The following MACROD2 variants were observed in gnomAD, a reference collection of about 807,000 sequenced individuals.
MACROD2 encodes mono-ADP ribosylhydrolase 2, also known as ADP-ribose glycohydrolase MACROD2.
In MACROD2, 36 loss-of-function variants were observed where a neutral mutation model predicts 70.4. That is an observed-to-expected ratio of 0.51 (90% CI 0.39 to 0.68). The LOEUF (loss-of-function observed/expected upper bound fraction) is 0.68, where lower values mean the gene tolerates loss of function less well. Among genes scored for constraint, MACROD2 ranks in the 30% least tolerant of loss-of-function variants. The pLI is 0.00. For missense variants in MACROD2, 496 were observed against 538.4 expected, an observed-to-expected ratio of 0.92 and a Z score of 0.78; for synonymous variants, 172 against 178.8, an observed-to-expected ratio of 0.96 and a Z score of 0.30.
chr20:15,105,886 A>T (rs1156593109), intron 5 of MACROD2, among the ~76,000 whole-genome samples: 1 of 152,128 alleles, frequency 6.6e-6, no homozygotes, highest in African/African-American at 2.4e-5. Flanking sequence ...CGACAATTGA[A>T]CAGCGTGGTG....
intron 2 of MACROD2, among the ~76,000 whole-genome samples, chr20:14,037,461 CAGATACCAATATTTTGT>C (rs1374582166): frequency 1.3e-5 from 2 of 152,192 alleles, no homozygotes; most frequent in Admixed American, 1.3e-4. Flanking sequence ...CAGTTATAAA[CAGATACCAATATTTTGT>C]ATTGGTGGAC....
chr20:14,382,810 A>G (rs537791750), intron 3 of MACROD2, among the ~76,000 whole-genome samples: 2 of 152,282 alleles, frequency 1.3e-5, no homozygotes, highest in East Asian at 3.9e-4. Flanking sequence ...TTCTTGAACC[A>G]CCTTCAGAAC....
intron 3 of MACROD2, among the ~76,000 whole-genome samples, chr20:14,149,740 G>T (rs978298757): frequency 1.3e-5 from 2 of 152,118 alleles, no homozygotes; most frequent in African/African-American, 4.8e-5. Context: ...GATAATTAGT[G>T]ATGTTGAGCA....
intron 5 of MACROD2, among the ~76,000 whole-genome samples, chr20:14,691,757 A>G (rs955424214): frequency 1.3e-5 from 2 of 152,138 alleles, no homozygotes; most frequent in Non-Finnish European, 2.9e-5. Context: ...TGCTAGGAGT[A>G]TGACTCTGCC....
intron 8 of MACROD2, among the ~76,000 whole-genome samples, chr20:15,649,426 C>G (rs1165034909): frequency 6.6e-6 from 1 of 152,024 alleles, no homozygotes; most frequent in African/African-American, 2.4e-5. Flanking sequence ...ACAGTAAAGA[C>G]CATGCAAGTT....
At chr20:15,748,698 G>A (rs1198292914) in intron 8 of MACROD2, among the ~76,000 whole-genome samples, 1 of 152,014 alleles carries the variant, frequency 6.6e-6, no homozygotes, top group African/African-American at 2.4e-5. Flanking sequence ...TTCCACTTGT[G>A]TCTAGTTACA....
At chr20:14,021,482 G>T (rs1365788758) in intron 2 of MACROD2, among the ~76,000 whole-genome samples, 1 of 152,054 alleles carries the variant, frequency 6.6e-6, no homozygotes, top group Non-Finnish European at 1.5e-5. Flanking sequence ...AGGCCTTTAG[G>T]TATCCCCCAG....
chr20:15,340,188 G>A (rs1355684592), intron 6 of MACROD2, among the ~76,000 whole-genome samples: 2 of 133,036 alleles, frequency 1.5e-5, no homozygotes, highest in African/African-American at 5.7e-5. Context: ...ACCCAGGCTG[G>A]AGTGCAGTGG....
intron 15 of MACROD2, among the ~76,000 whole-genome samples, chr20:16,032,956 G>C (rs1334758813): frequency 6.6e-6 from 1 of 152,040 alleles, no homozygotes; most frequent in Non-Finnish European, 1.5e-5. Flanking sequence ...GCAGCACAAT[G>C]GGTTAAAAGC....
chr20:14,896,615 T>G (rs1271456768), intron 5 of MACROD2, among the ~76,000 whole-genome samples: 1 of 151,814 alleles, frequency 6.6e-6, no homozygotes, highest in Non-Finnish European at 1.5e-5. Flanking sequence ...CTAAGAAGGT[T>G]CTCCTTATAT....
At chr20:14,794,323 C>T (rs1426642774) in intron 5 of MACROD2, among the ~76,000 whole-genome samples, 1 of 152,128 alleles carries the variant, frequency 6.6e-6, no homozygotes, top group Non-Finnish European at 1.5e-5. Flanking sequence ...AGACTACCTT[C>T]TCAAAAGACT....
At chr20:14,324,497 C>T (rs2082703651) in intron 3 of MACROD2, 1 of 152,400 alleles carries the variant, frequency 6.6e-6, no homozygotes, top group South Asian at 2.1e-4. Flanking sequence ...TGACATAAAC[C>T]AGATCTAAAT....
intron 5 of MACROD2, among the ~76,000 whole-genome samples, chr20:14,713,468 G>T (rs1278332073): frequency 3.3e-5 from 5 of 151,722 alleles, no homozygotes; most frequent in Non-Finnish European, 7.4e-5. Flanking sequence ...GGAGATTCTG[G>T]TTCAAAATTA....
At chr20:14,180,862 C>T (rs996193351) in intron 3 of MACROD2, among the ~76,000 whole-genome samples, 1 of 151,938 alleles carries the variant, frequency 6.6e-6, no homozygotes, top group African/African-American at 2.4e-5. Context: ...TCTTGTGTTT[C>T]ATATTTTAAA....
intron 3 of MACROD2, among the ~76,000 whole-genome samples, chr20:14,247,663 A>G (rs765229096): frequency 2.0e-5 from 3 of 152,248 alleles, no homozygotes; most frequent in Admixed American, 1.3e-4. Context: ...CGTTTTTAAC[A>G]CTGCAGAAGA....
chr20:15,830,097 A>G (rs989473276), intron 8 of MACROD2, among the ~76,000 whole-genome samples: 1 of 152,204 alleles, frequency 6.6e-6, no homozygotes, highest in South Asian at 2.1e-4. Flanking sequence ...TTCTCATGAA[A>G]GTGCAAGTGG....
At chr20:14,076,094 T>A (rs2053912906) in intron 2 of MACROD2, among the ~76,000 whole-genome samples, 1 of 152,206 alleles carries the variant, frequency 6.6e-6, no homozygotes, top group African/African-American at 2.4e-5. Context: ...CTATATTACT[T>A]TGTTTACTTG....
intron 8 of MACROD2, among the ~76,000 whole-genome samples, chr20:15,665,588 G>GTC (rs1410894984): frequency 6.6e-6 from 1 of 152,112 alleles, no homozygotes. Flanking sequence ...GCAGAGGATG[G>GTC]TCAGCAAGGA....
chr20:14,035,935 G>A (rs893146619), intron 2 of MACROD2, among the ~76,000 whole-genome samples: 2 of 152,230 alleles, frequency 1.3e-5, no homozygotes, highest in African/African-American at 2.4e-5. Context: ...GAGGTCAGGA[G>A]ATTGAGACCA....
Sources: gnomAD v4.1 joint callset for allele counts (sites outside exome capture counted in the v4.1 genomes callset) on GRCh38, gnomAD v4.1.1 for gene constraint, MANE v1.5 for transcripts, NCBI Gene and HGNC (gene_info 2026-07-23, HGNC 2026-07-21) for gene names.